The following SESN3 variants were observed in gnomAD, a reference collection of about 807,000 sequenced individuals.
SESN3 encodes the protein sestrin-3.
SESN3 carries 21 observed loss-of-function variants against 55.3 expected under a neutral mutation model. That is an observed-to-expected ratio of 0.38 (90% CI 0.27 to 0.55). The LOEUF (loss-of-function observed/expected upper bound fraction) is 0.55, where lower values mean the gene tolerates loss of function less well. Ranked by LOEUF, SESN3 falls within the 20% of genes least tolerant of loss-of-function variation. The pLI, the probability that SESN3 is intolerant of heterozygous loss-of-function variation, is 0.76. For synonymous variants in SESN3, 181 were observed against 203.1 expected (o/e 0.89, Z 0.93); for missense variants, 408 against 604.3 (o/e 0.68, Z 3.41).
rs772411675 is a variant in SESN3, at chr11:95,184,492, G to A, written c.865C>T (p.Arg289Cys). ...CTTTCTTTCTTCTCCTTTTCAAAAC[G>A]AGTGCTCATTTCTTCTTGAGACGCC... is the stretch of plus-strand genomic sequence containing the variant. ...EEASQEEMST[R>C]FEKEKKESLF... Residue 289 changes from arginine (R) to cysteine (C), a missense_variant, in exon 6 of 10, where the codon CGT becomes TGT. Physicochemically the swap from Arg to Cys is radical, Grantham distance 180 (BLOSUM62 -3). Transcript: ENST00000536441. The A allele has an allele frequency of 4.0e-5, 64 of 1,613,394 alleles. No individual in the cohort carries two copies. The East Asian group carries it at 4.9e-4, about 12-fold the overall frequency.
At chr11:95,207,753 ATAATT>A (rs71036379) in intron 1 of SESN3, among the ~76,000 whole-genome samples, 44,335 of 151,134 alleles carry the variant, frequency 0.29, 7,770 homozygotes, top group Non-Finnish European at 0.35. Flanking sequence ...TATAATTTAC[ATAATT>A]TAATAGCAGA....
chr11:95,181,532 T>C (rs1383517774), intron 6 of SESN3, among the ~76,000 whole-genome samples: 1 of 152,132 alleles, frequency 6.6e-6, no homozygotes, highest in Non-Finnish European at 1.5e-5. Context: ...TAGTATTTTG[T>C]TCATTATCTG....
rs529943091 is a variant in SESN3 at position 95,209,492 on chromosome 11, G to A, written c.79-15970C>T. Among the ~76,000 whole-genome samples, 21 of 151,322 alleles carry A rather than the reference G, an allele frequency of 1.4e-4. 1 individual carries two copies. The highest frequency in any genetic ancestry group is 2.2e-4 in the Non-Finnish European group (15 of 67,784). The stretch of plus-strand genomic sequence containing the variant: ...CATCTATTGTGGAAGACCGTGTGGC[G>A]ATTCCTCAAGGATCTAGAACCAGAA... On this transcript the variant is annotated intron_variant, in intron 1 of 9. Transcript: ENST00000536441.
chr11:95,185,343 C>T lies in SESN3; in HGVS notation c.675G>A (p.Arg225=). 6.2e-7 allele frequency: 1 copy of T among 1,613,150 alleles called. No homozygotes were observed. The highest frequency in any genetic ancestry group is 8.5e-7 in the Non-Finnish European group (1 of 1,179,344). The change falls in exon 5 of 10, where the codon AGG becomes AGA. Residue 225 remains arginine, a synonymous_variant. Coordinates refer to ENST00000536441, the MANE Select transcript of SESN3 (RefSeq NM_144665.4). Reference sequence around the variant, plus strand: ...CGCAGAAATTGTTGACTGATATTAGCCTGAATCCATTGGAGATTTCTGGAT... The same window carrying T: ...CGCAGAAATTGTTGACTGATATTAGTCTGAATCCATTGGAGATTTCTGGAT... The part of the protein sequence containing the change: ...ERDPEISNGF[R]LISVNNFCVC...
chr11:95,199,215 A>G (rs576428064), intron 1 of SESN3, among the ~76,000 whole-genome samples: 2 of 152,218 alleles, frequency 1.3e-5, no homozygotes, highest in South Asian at 4.1e-4. Flanking sequence ...AAATCCTATA[A>G]TTTTAATCAA....
chr11:95,189,491 G>T (rs1463632635), intron 4 of SESN3, among the ~76,000 whole-genome samples: 1 of 151,930 alleles, frequency 6.6e-6, no homozygotes, highest in African/African-American at 2.4e-5. Flanking sequence ...ACAGAGTACA[G>T]ACTAGATCCC....
At chr11:95,183,824 T>A (rs1370047612) in intron 6 of SESN3, among the ~76,000 whole-genome samples, 2 of 152,164 alleles carry the variant, frequency 1.3e-5, no homozygotes, top group Non-Finnish European at 2.9e-5. Context: ...TATTTCCTAT[T>A]TCAGTCCTTC....
Position 95,173,087 on chromosome 11 carries a change from A to C in SESN3, c.*168T>G, listed in dbSNP as rs1859882386. The C allele has an allele frequency of 2.8e-5, 13 of 472,582 alleles. No individual in the cohort carries two copies. The South Asian group carries it at 6.2e-4, about 23-fold the overall frequency. The allele number at this position is 472,582 out of a possible 1,614,324, so 29.3% of individuals were successfully genotyped here. A position where few individuals can be genotyped will look rare whatever the true frequency, so the allele number is the denominator to read the frequency against. Reference sequence around the variant, plus strand: ...AATGTTAAGCATCAAGGAAAATAAAACACATCATTGCACATTACAGCCGCA... The same window carrying C: ...AATGTTAAGCATCAAGGAAAATAAACCACATCATTGCACATTACAGCCGCA... On this transcript the variant is annotated 3_prime_UTR_variant, in exon 10 of 10. Transcript: ENST00000536441.
intron 6 of SESN3, among the ~76,000 whole-genome samples, chr11:95,181,795 C>CA (rs532177207): frequency 6.6e-5 from 10 of 151,264 alleles, no homozygotes; most frequent in Middle Eastern, 3.4e-3. Flanking sequence ...TTTTTAATAC[C>CA]AAAAAAAACC....
intron 1 of SESN3, among the ~76,000 whole-genome samples, chr11:95,216,581 T>G (rs1860760796): frequency 1.3e-5 from 2 of 152,204 alleles, no homozygotes; most frequent in Admixed American, 1.3e-4. Flanking sequence ...TTTCTATAAA[T>G]AATCTATATC....
chr11:95,175,647 G>A lies in SESN3; in HGVS notation c.1248-5C>T, dbSNP rs749083481. 19 of 1,607,228 alleles carry A rather than the reference G, an allele frequency of 1.2e-5. No individual in the cohort carries two copies. The highest frequency in any genetic ancestry group is 4.4e-5 in the South Asian group (4 of 90,682). Reference sequence around the variant, plus strand: ...CCATAATCATAGTCATCATACCTACGAGCAATACAACAATAGCTTTATAAT... The same window carrying A: ...CCATAATCATAGTCATCATACCTACAAGCAATACAACAATAGCTTTATAAT... On this transcript the variant is annotated splice_polypyrimidine_tract_variant and splice_region_variant and intron_variant, in intron 8 of 9. Coordinates refer to ENST00000536441, the MANE Select transcript of SESN3 (RefSeq NM_144665.4).
chr11:95,207,501 A>C (rs979698454), intron 1 of SESN3, among the ~76,000 whole-genome samples: 1 of 151,574 alleles, frequency 6.6e-6, no homozygotes, highest in Admixed American at 6.6e-5. Flanking sequence ...TTGCATTAAC[A>C]TTCTATGGTT....
intron 1 of SESN3, among the ~76,000 whole-genome samples, chr11:95,221,167 G>T (rs1443748045): frequency 6.6e-6 from 1 of 152,074 alleles, no homozygotes; most frequent in African/African-American, 2.4e-5. Flanking sequence ...AGCTGGGTAT[G>T]GTGGTGGGTG....
In SESN3 at chr11:95,212,488, T is replaced by C. The variant is rs957794984; in HGVS notation, c.78+18295A>G. On this transcript the variant is annotated intron_variant, in intron 1 of 9. Coordinates refer to ENST00000536441, the MANE Select transcript of SESN3 (RefSeq NM_144665.4). ...CATCTTTTTCTATTTCAGTTCCTAATAGATAATATCTCTAGATTAACACAC... is the reference window on the plus strand; with the variant it reads ...CATCTTTTTCTATTTCAGTTCCTAACAGATAATATCTCTAGATTAACACAC... 5.9e-5 allele frequency among the ~76,000 whole-genome samples: 9 copies of C among 152,272 alleles called. No individual in the cohort carries two copies. In the East Asian group the frequency reaches 1.7e-3, roughly 29 times the overall value.
intron 1 of SESN3, among the ~76,000 whole-genome samples, chr11:95,207,177 A>G (rs966136427): frequency 1.4e-4 from 20 of 144,336 alleles, no homozygotes; most frequent in African/African-American, 4.8e-4. Flanking sequence ...AATCAAAGAA[A>G]TCAACCAACC....
chr11:95,173,548 A>T lies in SESN3; in HGVS notation c.1393-207T>A, dbSNP rs546329777. ...AAAAATAACCCATAAAATCTAAAAA[A>T]TTCTGATAACTTTATTAAAGTTGTT... is the stretch of plus-strand genomic sequence containing the variant. On this transcript the variant is annotated intron_variant, in intron 9 of 9. Coordinates refer to ENST00000536441, the MANE Select transcript of SESN3 (RefSeq NM_144665.4). Among the ~76,000 whole-genome samples the T allele has an allele frequency of 2.0e-5, 3 of 152,324 alleles. No individual in the cohort carries two copies. In the East Asian group the frequency reaches 5.8e-4, roughly 29 times the overall value.
intron 8 of SESN3, among the ~76,000 whole-genome samples, chr11:95,177,296 C>T (rs1859976129): frequency 6.6e-6 from 1 of 152,122 alleles, no homozygotes; most frequent in East Asian, 1.9e-4. Context: ...CAACCTAGTA[C>T]AGTTTTGTTT....
chr11:95,175,466 T>C, intron 9 of SESN3, 32 bp downstream of exon 9: 2 of 1,579,104 alleles, frequency 1.3e-6, no homozygotes, highest in Non-Finnish European at 8.7e-7. Flanking sequence ...AAGAACTGTC[T>C]ATGGTATAAT....
At chr11:95,199,966 G>A (rs1055369938) in intron 1 of SESN3, among the ~76,000 whole-genome samples, 4 of 151,552 alleles carry the variant, frequency 2.6e-5, no homozygotes, top group African/African-American at 9.7e-5. Flanking sequence ...ATAATTTAAT[G>A]GTGCCAACAT....
Sources: allele counts gnomAD v4.1 joint callset (sites outside exome capture counted in the v4.1 genomes callset), GRCh38; gene constraint gnomAD v4.1.1; transcripts MANE v1.5; gene names NCBI Gene and HGNC (gene_info 2026-07-23, HGNC 2026-07-21).